Variants in MAPDA observed in about 807,000 individuals in gnomAD.
MAPDA encodes N6,N6-dimethyl-AMP deaminase.
the MAPDA span, chr15:43,335,574 C>A: frequency 8.8e-7 from 1 of 1,141,816 alleles, no homozygotes; most frequent in Non-Finnish European, 1.2e-6. Flanking sequence ...AATTTGTAAA[C>A]TTTATTATGT....
At chr15:43,340,366 T>A in the MAPDA span, 1 of 1,604,988 alleles carries the variant, frequency 6.2e-7, no homozygotes, top group Non-Finnish European at 8.5e-7. Context: ...GAATTTATAC[T>A]TCTCAGCAAA....
At chr15:43,351,721 AT>A in the MAPDA span, 1 of 1,497,472 alleles carries the variant, frequency 6.7e-7, no homozygotes, top group Non-Finnish European at 8.9e-7. Context: ...TTCCTTTTTC[AT>A]TTTGAAACAT....
chr15:43,343,373 C>T, the MAPDA span, among the ~76,000 whole-genome samples: 1 of 152,222 alleles, frequency 6.6e-6, no homozygotes, highest in Non-Finnish European at 1.5e-5. Flanking sequence ...GCCTCTGTTA[C>T]TTCAGCAGCT....
chr15:43,338,257 C>G, the MAPDA span, among the ~76,000 whole-genome samples: 2 of 152,102 alleles, frequency 1.3e-5, no homozygotes, highest in Non-Finnish European at 2.9e-5. Context: ...ATAAATGAAA[C>G]GTCTATGAGG....
At chr15:43,339,002 G>C in the MAPDA span, among the ~76,000 whole-genome samples, 1 of 152,220 alleles carries the variant, frequency 6.6e-6, no homozygotes, top group African/African-American at 2.4e-5. Flanking sequence ...ACAGCTTTCT[G>C]CATTAGTCTC....
At chr15:43,352,153 A>C in the MAPDA span, 5 of 416,512 alleles carry the variant, frequency 1.2e-5, no homozygotes, top group Non-Finnish European at 2.1e-5. Context: ...GTGGGACTTG[A>C]CTGTTGTTGC....
chr15:43,349,009 C>G, the MAPDA span: 1 of 1,614,188 alleles, frequency 6.2e-7, no homozygotes, highest in South Asian at 1.1e-5. Context: ...ATCCCTGGAT[C>G]TGGTGGACTT....
At chr15:43,348,543 A>G in the MAPDA span, among the ~76,000 whole-genome samples, 3 of 152,226 alleles carry the variant, frequency 2.0e-5, no homozygotes, top group Admixed American at 6.5e-5. Context: ...CTATAACGGA[A>G]CACACATATA....
chr15:43,341,671 C>CG, the MAPDA span, among the ~76,000 whole-genome samples: 4 of 151,800 alleles, frequency 2.6e-5, no homozygotes, highest in Admixed American at 6.6e-5. Context: ...AGACCCCCCC[C>CG]ACCTCTATGG....
the MAPDA span, among the ~76,000 whole-genome samples, chr15:43,345,151 G>A: frequency 9.9e-5 from 15 of 151,892 alleles, no homozygotes; most frequent in Non-Finnish European, 1.6e-4. Context: ...TCAGGAGATC[G>A]AGACCATCTT....
At chr15:43,340,762 A>C in the MAPDA span, among the ~76,000 whole-genome samples, 41,853 of 152,084 alleles carry the variant, frequency 0.28, 8,988 homozygotes, top group African/African-American at 0.59. Context: ...CTGTTTAAGG[A>C]AGGAAACAAA....
the MAPDA span, chr15:43,340,193 T>C: frequency 7.7e-7 from 1 of 1,294,144 alleles, no homozygotes; most frequent in South Asian, 1.3e-5. Flanking sequence ...AATAAAGCTG[T>C]AGCACTTGGC....
the MAPDA span, chr15:43,330,538 C>T: frequency 6.6e-7 from 1 of 1,504,910 alleles, no homozygotes; most frequent in Non-Finnish European, 8.8e-7. Context: ...GTGAGCCGCC[C>T]CTTGGTTAGC....
At chr15:43,350,796 C>A in the MAPDA span, 1 of 666,664 alleles carries the variant, frequency 1.5e-6, no homozygotes, top group Non-Finnish European at 2.5e-6. Context: ...CAAATTTTCA[C>A]ACGTAAGGAA....
the MAPDA span, among the ~76,000 whole-genome samples, chr15:43,337,872 G>C: frequency 2.0e-5 from 3 of 152,186 alleles, no homozygotes; most frequent in African/African-American, 7.2e-5. Flanking sequence ...TTTATAATTA[G>C]GTTGGAGAGA....
the MAPDA span, among the ~76,000 whole-genome samples, chr15:43,343,516 T>C: frequency 9.2e-5 from 14 of 152,248 alleles, no homozygotes; most frequent in Non-Finnish European, 1.3e-4. Context: ...CCTGCCCAGC[T>C]GGCTGGCTTC....
At chr15:43,334,633 T>TTATATATATATATATATATA in the MAPDA span, among the ~76,000 whole-genome samples, 2,600 of 64,480 alleles carry the variant, frequency 0.04, 310 homozygotes, top group Non-Finnish European at 0.074. Flanking sequence ...CTCAAAAAAA[T>TTATATATATATATATATATA]TATATATATA....
the MAPDA span, among the ~76,000 whole-genome samples, chr15:43,346,720 G>C: frequency 6.6e-6 from 1 of 152,166 alleles, no homozygotes. Context: ...CCTTAGCTCT[G>C]GATATCTAGG....
chr15:43,340,300 C>T, the MAPDA span: 194 of 1,613,854 alleles, frequency 1.2e-4, 1 homozygote, highest in East Asian at 1.6e-3. Context: ...TTGCAGATGA[C>T]GGCGTCAAGT....
Sources: allele counts gnomAD v4.1 joint callset (sites outside exome capture counted in the v4.1 genomes callset), GRCh38; gene constraint gnomAD v4.1.1; transcripts MANE v1.5; gene names NCBI Gene and HGNC (gene_info 2026-07-23, HGNC 2026-07-21).